The following SRSF3 variants were observed in gnomAD, a reference collection of about 807,000 sequenced individuals.
The protein encoded by SRSF3 is serine and arginine rich splicing factor 3, also known as serine/arginine-rich splicing factor 3.
For synonymous variants in SRSF3, 87 were observed against 73.6 expected, an observed-to-expected ratio of 1.18 and a Z score of -0.93; for missense variants, 58 against 217.1, an observed-to-expected ratio of 0.27 and a Z score of 4.61.
chr6:36,599,427 C>T, intron 3 of SRSF3: 1 of 195,960 alleles, frequency 5.1e-6, no homozygotes, highest in South Asian at 8.5e-5. Flanking sequence ...CTGAGACTAA[C>T]TTAAGTCACT....
At chr6:36,599,269 C>T (rs1191546515) in intron 3 of SRSF3, among the ~76,000 whole-genome samples, 1 of 152,166 alleles carries the variant, frequency 6.6e-6, no homozygotes, top group Non-Finnish European at 1.5e-5. Flanking sequence ...TCAGTTTAGG[C>T]CTTTTTCCAT....
intron 2 of SRSF3, 102 bp from the exon 3 acceptor site, chr6:36,598,747 T>TAGGTGTGTTCTTTGCAGA: frequency 7.5e-7 from 1 of 1,324,506 alleles, no homozygotes; most frequent in East Asian, 2.3e-5. Flanking sequence ...CACAGACACT[T>TAGGTGTGTTCTTTGCAGA]AGGTGTGTTC....
chr6:36,602,987 CTTATT>C lies in SRSF3; in HGVS notation c.*1003_*1007del, dbSNP rs1052498635. 6.4e-5 allele frequency: 14 copies of C among 217,572 alleles called. No homozygotes were observed. Among genetic ancestry groups the C allele is most frequent in the Non-Finnish European group, 1.2e-4 (13 of 108,210 alleles). The allele number at this position is 217,572 out of a possible 1,614,324, so 13.5% of individuals were successfully genotyped here. On this transcript the variant is annotated 3_prime_UTR_variant, in exon 6 of 6. Transcript: ENST00000373715. ...ATGGGAAGCAGTTGGTTACACGATTCTTATTTTATAAGAAACAGCTGAGAGGCACT... is the reference window on the plus strand; with the variant it reads ...ATGGGAAGCAGTTGGTTACACGATTCTTATAAGAAACAGCTGAGAGGCACT...
At chr6:36,597,943 C>T (rs1007515792) in intron 2 of SRSF3, among the ~76,000 whole-genome samples, 3 of 152,168 alleles carry the variant, frequency 2.0e-5, no homozygotes, top group African/African-American at 4.8e-5. Flanking sequence ...CATCCTCCTG[C>T]CTCAGCCTCT....
Position 36,602,612 on chromosome 6 carries a change from G to A in SRSF3, c.*623G>A, listed in dbSNP as rs562166040. On this transcript the variant is annotated 3_prime_UTR_variant, in exon 6 of 6. Transcript: ENST00000373715. ...GCTGTATATGGATACATGGCTGTTC[G>A]TGACATTCTTTATGTGCAAATTTGT... is the stretch of plus-strand genomic sequence containing the variant. 2.0e-4 allele frequency: 43 copies of A among 216,176 alleles called. No homozygotes were observed. Among genetic ancestry groups the A allele is most frequent in the Non-Finnish European group, 9.3e-5 (10 of 107,354 alleles). 13.4% of individuals were successfully genotyped at this position (216,176 alleles called of 1,614,324 possible). A position where few individuals can be genotyped will look rare whatever the true frequency, so the allele number is the denominator to read the frequency against.
intron 4 of SRSF3, chr6:36,601,498 C>A (rs1403431647): frequency 1.2e-5 from 7 of 577,538 alleles, no homozygotes; most frequent in Non-Finnish European, 1.8e-5. Context: ...CAGGCAAGTA[C>A]TGCCATACCT....
Position 36,601,940 on chromosome 6 carries a change from CTTTTTTT to C in SRSF3, c.468-9_468-3del, listed in dbSNP as rs778276944. 12 of 1,432,058 alleles carry C rather than the reference CTTTTTTT, an allele frequency of 8.4e-6. No homozygotes were observed. The highest frequency in any genetic ancestry group is 1.4e-5 in the South Asian group (1 of 69,256). 88.7% of individuals were successfully genotyped at this position (1,432,058 alleles called of 1,614,324 possible). A position where few individuals can be genotyped will look rare whatever the true frequency, so the allele number is the denominator to read the frequency against. On this transcript the variant is annotated splice_polypyrimidine_tract_variant and intron_variant, in intron 5 of 5. Coordinates refer to ENST00000373715, the MANE Select transcript of SRSF3 (RefSeq NM_003017.5). Reference sequence around the variant, plus strand: ...AGTTACAGATGTAATGTTTTGTTTTCTTTTTTTTTTTTTTTTTTTAGTCGATCTAGGT... The same window carrying C: ...AGTTACAGATGTAATGTTTTGTTTTCTTTTTTTTTTTTAGTCGATCTAGGT...
intron 2 of SRSF3, chr6:36,598,514 G>C (rs1778668522): frequency 4.7e-6 from 1 of 213,184 alleles, no homozygotes; most frequent in Non-Finnish European, 9.6e-6. Flanking sequence ...CGCCTGAGTA[G>C]CTGGGATTAC....
intron 3 of SRSF3, 49 bp from the exon 4 acceptor site, chr6:36,601,103 C>G: frequency 4.4e-6 from 7 of 1,575,432 alleles, no homozygotes; most frequent in Non-Finnish European, 6.1e-6. Context: ...TGCCTCACGC[C>G]ATAAATACTA....
intron 3 of SRSF3, chr6:36,599,743 T>C: frequency 9.2e-7 from 1 of 1,085,978 alleles, no homozygotes; most frequent in Non-Finnish European, 1.3e-6. Context: ...AGCTAATAGA[T>C]GGTTGTACTG....
intron 1 of SRSF3, among the ~76,000 whole-genome samples, 179 bp from the exon 2 acceptor site, chr6:36,596,582 G>GGGGGGC (rs1219398166): frequency 1.3e-4 from 19 of 144,384 alleles, no homozygotes; most frequent in African/African-American, 4.7e-4. Flanking sequence ...GGCGGGGGGG[G>GGGGGGC]GGAAATGGGT....
chr6:36,603,065 A>G lies in SRSF3; in HGVS notation c.*1076A>G. ...AGGAAATATAGATGTCACCTAAGTG[A>G]TAGTTAACCCATTTTTTTTTTTTTT... On this transcript the variant is annotated 3_prime_UTR_variant, in exon 6 of 6. Transcript: ENST00000373715. 4.5e-6 allele frequency: 1 copy of G among 220,792 alleles called. No homozygotes were observed. The highest frequency in any genetic ancestry group is 9.1e-6 in the Non-Finnish European group (1 of 110,150). 13.7% of individuals were successfully genotyped at this position (220,792 alleles called of 1,614,324 possible).
intron 1 of SRSF3, among the ~76,000 whole-genome samples, chr6:36,596,455 C>T (rs1469711154): frequency 1.3e-5 from 2 of 151,506 alleles, no homozygotes; most frequent in Non-Finnish European, 2.9e-5. Flanking sequence ...TCTTAACTCA[C>T]GGCCCAGATG....
intron 1 of SRSF3, among the ~76,000 whole-genome samples, chr6:36,595,060 G>T (rs1478187824): frequency 6.6e-6 from 1 of 152,148 alleles, no homozygotes; most frequent in African/African-American, 2.4e-5. Flanking sequence ...CAGTGGTTTG[G>T]TCTTAGAACT....
intron 2 of SRSF3, among the ~76,000 whole-genome samples, chr6:36,598,267 C>G (rs868442199): frequency 1.1e-4 from 17 of 152,348 alleles, no homozygotes; most frequent in Middle Eastern, 3.4e-3. Context: ...AGTAATCAGA[C>G]TGGCTCTAAC....
chr6:36,601,774 A>T lies in SRSF3; in HGVS notation c.447A>T (p.Arg149=). The T allele has an allele frequency of 6.2e-7, 1 of 1,610,028 alleles. No individual in the cohort carries two copies. Among genetic ancestry groups the T allele is most frequent in the Non-Finnish European group, 8.5e-7 (1 of 1,176,716 alleles). ...GGGAGAGAAATCACAAGCCGTCCCG[A>T]TCCTTCTCTAGGTCTCGTAGGTAAG... ...LSRERNHKPS[R]SFSRSRSRSR... Residue 149 remains arginine, a synonymous_variant, in exon 5 of 6, where the codon CGA becomes CGT. Transcript: ENST00000373715.
At chr6:36,600,447 G>A (rs995355006) in intron 3 of SRSF3, 1 of 230,908 alleles carries the variant, frequency 4.3e-6, no homozygotes, top group Non-Finnish European at 7.1e-6. Context: ...ATGTAACTAG[G>A]CCTTCAAGTG....
Position 36,601,171 on chromosome 6 carries a change from T to C in SRSF3, c.361T>C (p.Phe121Leu), listed in dbSNP as rs1331950122. Residue 121 changes from phenylalanine to leucine, a missense_variant, in exon 4 of 6, where the codon TTC (phenylalanine) becomes CTC (leucine). Phe to Leu is a conservative substitution (Grantham distance 22, BLOSUM62 0). Transcript: ENST00000373715. ...TTTTAGATCTCCAAGAAGGAGAAGC[T>C]TCTCTCGCAGCCGGAGCAGGTAAAT... ...PRRRSPRRRS[F>L]SRSRSRSLSR... 6.2e-7 allele frequency: 1 copy of C among 1,613,898 alleles called. No individual in the cohort carries two copies. The highest frequency in any genetic ancestry group is 2.2e-5 in the East Asian group (1 of 44,866).
rs1778710173 is a variant in SRSF3 at position 36,601,185 on chromosome 6, G to A, written c.375G>A (p.Arg125=). The change falls in exon 4 of 6, where the codon CGG becomes CGA. Residue 125 remains arginine (R), a synonymous_variant. Transcript: ENST00000373715. ...GAAGGAGAAGCTTCTCTCGCAGCCG[G>A]AGCAGGTAAATGACTACCTTTTTTG... The part of the protein sequence containing the change: ...SPRRRSFSRS[R]SRSLSRDRRR... 1 of 1,613,244 alleles carries A rather than the reference G, an allele frequency of 6.2e-7. No individual in the cohort carries two copies. Among genetic ancestry groups the A allele is most frequent in the Non-Finnish European group, 8.5e-7 (1 of 1,179,800 alleles).
Sources: allele counts gnomAD v4.1 joint callset (sites outside exome capture counted in the v4.1 genomes callset), GRCh38; gene constraint gnomAD v4.1.1; transcripts MANE v1.5; gene names NCBI Gene and HGNC (gene_info 2026-07-23, HGNC 2026-07-21).